Variants in CENPH observed in about 807,000 individuals in gnomAD.
CENPH encodes the protein centromere protein H, also known as CENP-H.
CENPH carries 40 observed loss-of-function variants against 42.9 expected under a neutral mutation model. The ratio of observed to expected loss-of-function variants is 0.93; its 90% CI spans 0.72 to 1.21. The LOEUF (loss-of-function observed/expected upper bound fraction) is 1.21. CENPH is among the 50% of genes most tolerant of loss of function. CENPH has a pLI of 0.00. For synonymous variants in CENPH, 88 were observed against 96.5 expected, an observed-to-expected ratio of 0.91 and a Z score of 0.52; for missense variants, 302 against 292.9, an observed-to-expected ratio of 1.03 and a Z score of -0.23.
intron 7 of CENPH, chr5:69,207,626 G>A (rs898625590): frequency 6.6e-6 from 1 of 151,622 alleles, no homozygotes; most frequent in Admixed American, 6.6e-5. Flanking sequence ...CAGCCAACGT[G>A]GCAAAACCCC....
chr5:69,197,722 C>T (rs1747986876), intron 5 of CENPH, among the ~76,000 whole-genome samples: 1 of 151,794 alleles, frequency 6.6e-6, no homozygotes, highest in Non-Finnish European at 1.5e-5. Flanking sequence ...TTAATGGGTG[C>T]AGCACACCAA....
In CENPH at chr5:69,208,240, G is replaced by A. The variant is rs2112097642; in HGVS notation, c.532G>A (p.Glu178Lys). The A allele has an allele frequency of 6.3e-7, 1 of 1,591,794 alleles. No individual in the cohort carries two copies. The highest frequency in any genetic ancestry group is 1.1e-5 in the South Asian group (1 of 89,874). The change falls in exon 8 of 9, where the codon GAA becomes AAA. Residue 178 changes from glutamate to lysine, a missense_variant. Transcript: ENST00000283006. The stretch of plus-strand genomic sequence containing the variant: ...AAGTAAGCTTTTAGAAATACAGACT[G>A]AAAAGAACAAACAGAAGATTGATTT... ...SESKLLEIQT[E>K]KNKQKIDLDS...
At chr5:69,201,649 T>C (rs1748060806) in intron 5 of CENPH, among the ~76,000 whole-genome samples, 1 of 152,100 alleles carries the variant, frequency 6.6e-6, no homozygotes, top group African/African-American at 2.4e-5. Context: ...GCTTCAACCC[T>C]GGAGTTCCAG....
chr5:69,208,252 CAG>C lies in CENPH; in HGVS notation c.546_547del (p.Lys183AspfsTer2), dbSNP rs753040843. ...AGAAATACAGACTGAAAAGAACAAA[CAG>C]AAGATTGATTTGGACAGTATGGAAA... ...LLEIQTEKNK[Q>X]KIDLDSMENS... On this transcript the variant is annotated frameshift_variant, in exon 8 of 9. Transcript: ENST00000283006. LOFTEE classifies it high-confidence loss of function. The C allele has an allele frequency of 5.6e-6, 9 of 1,593,198 alleles. No individual in the cohort carries two copies. The East Asian group carries it at 1.1e-4, about 20-fold the overall frequency.
rs1197246619 is a variant in CENPH, at chr5:69,194,658, A to C, written c.202A>C (p.Thr68Pro). Residue 68 changes from threonine to proline, a missense_variant, in exon 3 of 9, where the codon ACT becomes CCT. Physicochemically the swap from Thr to Pro is conservative, Grantham distance 38. Transcript: ENST00000283006. ...TTATTTATTTGCAGGTGAAGAAAAAACTCCAGAACAAATTATGCAAGAAAA... is the reference window on the plus strand; with the variant it reads ...TTATTTATTTGCAGGTGAAGAAAAACCTCCAGAACAAATTATGCAAGAAAA... The part of the protein sequence containing the change: ...KSMVDASEEK[T>P]PEQIMQEKQI... The C allele has an allele frequency of 6.3e-7, 1 of 1,585,898 alleles. No individual in the cohort carries two copies. The highest frequency in any genetic ancestry group is 1.4e-5 in the African/African-American group (1 of 73,548).
chr5:69,191,897 G>T, intron 2 of CENPH, 47 bp downstream of exon 2: 1 of 1,143,642 alleles, frequency 8.7e-7, no homozygotes, highest in Non-Finnish European at 1.3e-6. Context: ...TTGTTTGTTT[G>T]TTTTTTTGAG....
In CENPH at chr5:69,197,072, C is replaced by T; in HGVS notation, c.334C>T (p.Leu112Phe). The T allele has an allele frequency of 6.3e-7, 1 of 1,575,422 alleles. No homozygotes were observed. The highest frequency in any genetic ancestry group is 8.6e-7 in the Non-Finnish European group (1 of 1,167,880). Reference sequence around the variant, plus strand: ...TCATAGGATGAGACTTTCAACTGCACTTAAAAAAAACCTGGAGAAAATTAG... The same window carrying T: ...TCATAGGATGAGACTTTCAACTGCATTTAAAAAAAACCTGGAGAAAATTAG... Reference protein sequence around the residue: ...ALDRMRLSTALKKNLEKISRQ... With the variant: ...ALDRMRLSTAFKKNLEKISRQ... Residue 112 changes from leucine (L) to phenylalanine (F), a missense_variant, in exon 5 of 9, where the codon CTT becomes TTT. Transcript: ENST00000283006.
At position 69,190,208 on chromosome 5, in the gene CENPH, A is replaced by T. The variant is rs1243136985; in HGVS notation, c.134+440A>T. ...AAGCGGACGGTGTTTATACTTTTCCACTAAGCGGTTGCTGGGGAAGATTCG... is the reference window on the plus strand; with the variant it reads ...AAGCGGACGGTGTTTATACTTTTCCTCTAAGCGGTTGCTGGGGAAGATTCG... On this transcript the variant is annotated intron_variant, in intron 1 of 8. Coordinates refer to ENST00000283006, the MANE Select transcript of CENPH (RefSeq NM_022909.4). Among the ~76,000 whole-genome samples the T allele has an allele frequency of 2.0e-5, 3 of 152,174 alleles. No individual in the cohort carries two copies. In the South Asian group the frequency reaches 6.2e-4, roughly 32 times the overall value.
chr5:69,209,317 T>TTGG (rs1237897808), intron 8 of CENPH, among the ~76,000 whole-genome samples: 1 of 151,772 alleles, frequency 6.6e-6, no homozygotes, highest in Non-Finnish European at 1.5e-5. Flanking sequence ...GGTCAGGAGT[T>TTGG]TGAGGCCAGC....
chr5:69,199,706 G>T (rs941100421), intron 5 of CENPH, among the ~76,000 whole-genome samples: 1 of 152,152 alleles, frequency 6.6e-6, no homozygotes, highest in South Asian at 2.1e-4. Flanking sequence ...TAAGACAGTT[G>T]TAACTTTCTC....
At chr5:69,202,162 T>C (rs1394257910) in intron 5 of CENPH, among the ~76,000 whole-genome samples, 1 of 152,176 alleles carries the variant, frequency 6.6e-6, no homozygotes, top group Non-Finnish European at 1.5e-5. Flanking sequence ...CTAAAATTGC[T>C]CTAAAAAATA....
intron 2 of CENPH, among the ~76,000 whole-genome samples, chr5:69,194,009 A>G (rs668139): frequency 0.28 from 42,131 of 152,078 alleles, 6,457 homozygotes; most frequent in East Asian, 0.38. Flanking sequence ...TCAAGTACAT[A>G]TCAAATGCTC....
intron 4 of CENPH, among the ~76,000 whole-genome samples, chr5:69,196,783 A>G (rs1389472262): frequency 6.6e-6 from 1 of 152,236 alleles, no homozygotes; most frequent in Non-Finnish European, 1.5e-5. Context: ...GATGGTTCAG[A>G]GAACTCATTC....
Position 69,191,792 on chromosome 5 carries a change from C to G in CENPH, c.135-3C>G. 2 of 1,534,160 alleles carry G rather than the reference C, an allele frequency of 1.3e-6. No homozygotes were observed. Among genetic ancestry groups the G allele is most frequent in the Non-Finnish European group, 9.0e-7 (1 of 1,108,556 alleles). On this transcript the variant is annotated splice_polypyrimidine_tract_variant and splice_region_variant and intron_variant, in intron 1 of 8. Transcript: ENST00000283006. ...ACTTTATATTCTCTTTATCTGTTTT[C>G]AGGCTGAGAGCACAGACAAAACAAC...
At chr5:69,195,858 A>G in intron 4 of CENPH, 67 bp downstream of exon 4, 1 of 767,186 alleles carries the variant, frequency 1.3e-6, no homozygotes, top group Non-Finnish European at 2.2e-6. Flanking sequence ...GGGAAAGTGG[A>G]GGGAATCTTT....
intron 7 of CENPH, among the ~76,000 whole-genome samples, chr5:69,207,396 C>T (rs1332968860): frequency 1.3e-5 from 2 of 151,832 alleles, no homozygotes; most frequent in East Asian, 3.9e-4. Flanking sequence ...GCCATGTTGG[C>T]GGGGCTGGTC....
At chr5:69,204,577 A>G (rs1354122136) in intron 7 of CENPH, among the ~76,000 whole-genome samples, 1 of 136,630 alleles carries the variant, frequency 7.3e-6, no homozygotes, top group African/African-American at 2.7e-5. Context: ...GGCATGAGCT[A>G]CCACACCTGG....
chr5:69,191,834 A>G lies in CENPH; in HGVS notation c.174A>G (p.Lys58=). 1 of 1,545,782 alleles carries G rather than the reference A, an allele frequency of 6.5e-7. No homozygotes were observed. The highest frequency in any genetic ancestry group is 8.9e-7 in the Non-Finnish European group (1 of 1,119,388). Residue 58 remains lysine (K), a synonymous_variant, in exon 2 of 9, where the codon AAA becomes AAG. Coordinates refer to ENST00000283006, the MANE Select transcript of CENPH (RefSeq NM_022909.4). ...AQTKQQLLEY[K]SMVDASEEKT... is the part of the protein sequence containing the mutation. ...CAAAACAACAACTCTTAGAATATAAATCAATGGTTGATGCAAGTAAGTATT... is the reference window on the plus strand; with the variant it reads ...CAAAACAACAACTCTTAGAATATAAGTCAATGGTTGATGCAAGTAAGTATT...
At chr5:69,197,738 C>T (rs897339530) in intron 5 of CENPH, among the ~76,000 whole-genome samples, 9 of 151,450 alleles carry the variant, frequency 5.9e-5, no homozygotes, top group Admixed American at 4.6e-4. Flanking sequence ...ACCAACATGG[C>T]ACATGTATAC....
Sources: gnomAD v4.1 joint callset for allele counts (sites outside exome capture counted in the v4.1 genomes callset) on GRCh38, gnomAD v4.1.1 for gene constraint, MANE v1.5 for transcripts, NCBI Gene and HGNC (gene_info 2026-07-23, HGNC 2026-07-21) for gene names.